CELSR1: variants seen among roughly 807,000 people sequenced by gnomAD.
CELSR1 encodes cadherin EGF LAG seven-pass G-type receptor 1.
In CELSR1, 110 loss-of-function variants were observed where a neutral mutation model predicts 249.1. The observed-to-expected ratio is 0.44, with a 90% CI of 0.38 to 0.52. The LOEUF is 0.52. Among genes scored for constraint, CELSR1 ranks in the 20% least tolerant of loss-of-function variants. CELSR1 has a pLI of 0.00. For synonymous variants in CELSR1, 2,113 were observed against 1,900.0 expected, an observed-to-expected ratio of 1.11 and a Z score of -2.92; for missense variants, 4,109 against 4,296.4, an observed-to-expected ratio of 0.96 and a Z score of 1.22.
chr22:46,363,246 C>T lies in CELSR1; in HGVS notation c.9037G>A (p.Gly3013Ser), dbSNP rs1272820002. 1.2e-6 allele frequency: 2 copies of T among 1,612,466 alleles called. No homozygotes were observed. Among genetic ancestry groups the T allele is most frequent in the East Asian group, 4.5e-5 (2 of 44,872 alleles). Residue 3013 changes from glycine to serine, a missense_variant and splice_region_variant, in exon 35 of 35, where the codon GGC becomes AGC. By Grantham distance (56) the Gly-to-Ser change is moderately conservative. This residue lies in a region of CELSR1 where 1,805 missense variants were observed against 1,831.6 expected (regional missense o/e 0.99). Transcript: ENST00000674500. The surrounding 1 kb of genome is among the most constrained non-coding windows in gnomAD (Gnocchi z 4.3). ...GTTCAAATTGAAGTTTCATTACTGC[C>T]TCTGCGCGTGGGAAGAAGCCAGCAA... ...SAQADGSDSE[G>S]SNETSI is the part of the protein sequence containing the mutation.
rs553682930 is a variant in CELSR1 at position 46,393,396 on chromosome 22, A to G, written c.5964+746T>C. Among the ~76,000 whole-genome samples the G allele has an allele frequency of 7.7e-4, 117 of 152,356 alleles. No individual in the cohort carries two copies. Among genetic ancestry groups the G allele is most frequent in the African/African-American group, 2.6e-3 (108 of 41,590 alleles). On this transcript the variant is annotated intron_variant, in intron 14 of 34. Transcript: ENST00000674500. The surrounding 1 kb of genome is among the most constrained non-coding windows in gnomAD (Gnocchi z 4.1). ...CGTGGGGCATAACGCACTTAGTGAC[A>G]CTTTCTATTTTAAAACTGCTGTCAT...
chr22:46,468,077 C>T lies in CELSR1; in HGVS notation c.3545-3732G>A, dbSNP rs143923901. 1.3e-3 allele frequency among the ~76,000 whole-genome samples: 204 copies of T among 152,134 alleles called. No individual in the cohort carries two copies. The highest frequency in any genetic ancestry group is 4.0e-3 in the Admixed American group (61 of 15,266). On this transcript the variant is annotated intron_variant, in intron 1 of 34. Coordinates refer to ENST00000674500, the MANE Select transcript of CELSR1 (RefSeq NM_001378328.1). The surrounding 1 kb of genome is among the most constrained non-coding windows in gnomAD (Gnocchi z 4.5). ...CATGGAAGTGACCTGCGTCCACCGA[C>T]AGATTAACGGATTAAAACAATGTGG...
At chr22:46,372,271 CACT>C (rs2078861342) in intron 25 of CELSR1, among the ~76,000 whole-genome samples, 1 of 138,998 alleles carries the variant, frequency 7.2e-6, no homozygotes, top group African/African-American at 3.2e-5. Context: ...CATCCATCCT[CACT>C]CAACCCCCAT....
chr22:46,461,710 C>G (rs1361300501), intron 2 of CELSR1, among the ~76,000 whole-genome samples: 1 of 152,236 alleles, frequency 6.6e-6, no homozygotes, highest in Non-Finnish European at 1.5e-5. Flanking sequence ...ACAGTAGGTA[C>G]TATCTGCGGA....
In CELSR1 at chr22:46,436,384, G is replaced by A. The variant is rs1396069680; in HGVS notation, c.4407-95C>T. 3.8e-5 allele frequency: 30 copies of A among 782,044 alleles called. No homozygotes were observed. The highest frequency in any genetic ancestry group is 1.9e-4 in the African/African-American group (11 of 58,514). The allele number at this position is 782,044 out of a possible 1,614,324, so 48.4% of individuals were successfully genotyped here. Reference sequence around the variant, plus strand: ...AGTCCAGCCGGAGGAGGGCAAGCACGTGGGGCTACGATTCAGGAAAGAATG... The same window carrying A: ...AGTCCAGCCGGAGGAGGGCAAGCACATGGGGCTACGATTCAGGAAAGAATG... On this transcript the variant is annotated intron_variant, in intron 3 of 34. Coordinates refer to ENST00000674500, the MANE Select transcript of CELSR1 (RefSeq NM_001378328.1). This position sits in a 1 kb window ranked among gnomAD's most constrained non-coding sequence, Gnocchi z 5.9.
Position 46,536,108 on chromosome 22 carries a change from G to T in CELSR1, c.1063C>A (p.Gln355Lys). The T allele has an allele frequency of 6.2e-7, 1 of 1,612,398 alleles. No homozygotes were observed. The highest frequency in any genetic ancestry group is 1.1e-5 in the South Asian group (1 of 91,090). Residue 355 changes from glutamine (Q) to lysine (K), a missense_variant, in exon 1 of 35, where the codon CAG (glutamine) becomes AAG (lysine). This residue lies in a region of CELSR1 where 673 missense variants were observed against 636.8 expected (regional missense o/e 1.06). Transcript: ENST00000674500. ...CGCACGCGCTCGCGGTACTCCGACT[G>T]CTCGAAGACCGGGCTGTGGTCGTTG... is the stretch of plus-strand genomic sequence containing the variant. ...DTNDHSPVFE[Q>K]SEYRERVREN...
chr22:46,363,374 C>T lies in CELSR1; in HGVS notation c.9036-127G>A. 2 of 736,998 alleles carry T rather than the reference C, an allele frequency of 2.7e-6. No individual in the cohort carries two copies. Among genetic ancestry groups the T allele is most frequent in the Non-Finnish European group, 4.5e-6 (2 of 448,660 alleles). 45.7% of individuals were successfully genotyped at this position (736,998 alleles called of 1,614,324 possible). On this transcript the variant is annotated intron_variant, in intron 34 of 34. Coordinates refer to ENST00000674500, the MANE Select transcript of CELSR1 (RefSeq NM_001378328.1). This position sits in a 1 kb window ranked among gnomAD's most constrained non-coding sequence, Gnocchi z 4.3. ...GGGTAGAGGGGGCGTCTGGGGGCTC[C>T]AGGGAGGGCAAGCTCATGTTGGATG...
Position 46,510,941 on chromosome 22 carries a change from C to T in CELSR1, c.3544+22686G>A, listed in dbSNP as rs545714552. Among the ~76,000 whole-genome samples the T allele has an allele frequency of 5.3e-5, 8 of 152,234 alleles. No homozygotes were observed. In the East Asian group the frequency reaches 1.5e-3, roughly 29 times the overall value. ...ACCAGCCTGGCCAACATGGCAAAAC[C>T]CCATCTCTACTAAAAATAGAAAAAT... On this transcript the variant is annotated intron_variant, in intron 1 of 34. Transcript: ENST00000674500.
chr22:46,367,189 C>T, intron 28 of CELSR1, 71 bp from the exon 29 acceptor site: 1 of 1,553,290 alleles, frequency 6.4e-7, no homozygotes, highest in East Asian at 2.3e-5. Context: ...CGCCCCAGCA[C>T]AGATGCGCAT....
At chr22:46,462,644 TC>T (rs1331668156) in intron 2 of CELSR1, 11 of 148,102 alleles carry the variant, frequency 7.4e-5, no homozygotes, top group African/African-American at 4.9e-4. Context: ...CAGAGAGCTT[TC>T]AAAAAAAAAA....
At position 46,433,028 on chromosome 22, in the gene CELSR1, T is replaced by C. The variant is rs1002252731; in HGVS notation, c.4611+365A>G. ...CAGAAAATCTACCAGGGCACCTTTT[T>C]TCCTTCCTTTTTTTTTTAGATGGAA... On this transcript the variant is annotated intron_variant, in intron 5 of 34. Coordinates refer to ENST00000674500, the MANE Select transcript of CELSR1 (RefSeq NM_001378328.1). This position sits in a 1 kb window ranked among gnomAD's most constrained non-coding sequence, Gnocchi z 5.7. Among the ~76,000 whole-genome samples, 2 of 151,878 alleles carry C rather than the reference T, an allele frequency of 1.3e-5. No homozygotes were observed. The highest frequency in any genetic ancestry group is 2.4e-5 in the African/African-American group (1 of 41,284).
At chr22:46,470,739 T>C (rs147525946) in intron 1 of CELSR1, among the ~76,000 whole-genome samples, 1 of 152,274 alleles carries the variant, frequency 6.6e-6, no homozygotes, top group South Asian at 2.1e-4. Flanking sequence ...AAGCACAGCC[T>C]ATCCCCACAA....
chr22:46,391,600 G>A lies in CELSR1; in HGVS notation c.6148+33C>T, dbSNP rs777368208. ...CAGTGCAGCAGCCTGTCCCCGCGCT[G>A]TAACCTGCAGGGTGTCGAGGGGCAA... On this transcript the variant is annotated intron_variant, in intron 15 of 34. Coordinates refer to ENST00000674500, the MANE Select transcript of CELSR1 (RefSeq NM_001378328.1). The surrounding 1 kb of genome is among the most constrained non-coding windows in gnomAD (Gnocchi z 4.3). 1.9e-6 allele frequency: 3 copies of A among 1,552,194 alleles called. No homozygotes were observed. The highest frequency in any genetic ancestry group is 3.9e-5 in the Admixed American group (2 of 51,258).
chr22:46,371,898 T>C (rs1041105316), intron 25 of CELSR1, among the ~76,000 whole-genome samples: 4 of 114,480 alleles, frequency 3.5e-5, no homozygotes, highest in African/African-American at 1.2e-4. Flanking sequence ...TCCACCCACC[T>C]CTCCATCCCT....
At chr22:46,422,067 T>C (rs1320725251) in intron 5 of CELSR1, among the ~76,000 whole-genome samples, 1 of 152,184 alleles carries the variant, frequency 6.6e-6, no homozygotes, top group African/African-American at 2.4e-5. Context: ...AGCTTCTTTA[T>C]CTTACATATT....
Position 46,363,254 on chromosome 22 carries a change from G to A in CELSR1, c.9036-7C>T, listed in dbSNP as rs1054971971. On this transcript the variant is annotated splice_polypyrimidine_tract_variant and splice_region_variant and intron_variant, in intron 34 of 34. Coordinates refer to ENST00000674500, the MANE Select transcript of CELSR1 (RefSeq NM_001378328.1). This position sits in a 1 kb window ranked among gnomAD's most constrained non-coding sequence, Gnocchi z 4.3. ...TGAAGTTTCATTACTGCCTCTGCGC[G>A]TGGGAAGAAGCCAGCAAGCAGGTGA... The A allele has an allele frequency of 2.3e-5, 37 of 1,610,426 alleles. No individual in the cohort carries two copies. Among genetic ancestry groups the A allele is most frequent in the East Asian group, 4.5e-5 (2 of 44,868 alleles).
rs576768577 is a variant in CELSR1 at position 46,448,111 on chromosome 22, G to C, written c.4184-8700C>G. On this transcript the variant is annotated intron_variant, in intron 2 of 34. Coordinates refer to ENST00000674500, the MANE Select transcript of CELSR1 (RefSeq NM_001378328.1). The surrounding 1 kb of genome is among the most constrained non-coding windows in gnomAD (Gnocchi z 5.7). ...CTTGGCCTAAGGGGCTTCCAGAAAA[G>C]CCCTGGCTTCACAGGGCTTCAGCAA... Among the ~76,000 whole-genome samples, 1 of 152,218 alleles carries C rather than the reference G, an allele frequency of 6.6e-6. No individual in the cohort carries two copies. The highest frequency in any genetic ancestry group is 1.5e-5 in the Non-Finnish European group (1 of 68,026).
rs1317918720 is a variant in CELSR1 at position 46,473,137 on chromosome 22, G to T, written c.3545-8792C>A. Among the ~76,000 whole-genome samples the T allele has an allele frequency of 6.6e-6, 1 of 152,128 alleles. No individual in the cohort carries two copies. Among genetic ancestry groups the T allele is most frequent in the Admixed American group, 6.6e-5 (1 of 15,260 alleles). ...CTCTCGGTGCAGGACGGCGGGGGTG[G>T]CTGAAGGAGAAATGTCCGCAGAGGG... is the stretch of plus-strand genomic sequence containing the variant. On this transcript the variant is annotated intron_variant, in intron 1 of 34. Transcript: ENST00000674500. This position sits in a 1 kb window ranked among gnomAD's most constrained non-coding sequence, Gnocchi z 6.6.
chr22:46,532,118 A>G (rs2080798021), intron 1 of CELSR1, among the ~76,000 whole-genome samples: 1 of 152,226 alleles, frequency 6.6e-6, no homozygotes, highest in South Asian at 2.1e-4. Flanking sequence ...CTGATACCAC[A>G]GACACACAAA....
Sources: gnomAD v4.1 joint callset for allele counts (sites outside exome capture counted in the v4.1 genomes callset) on GRCh38, gnomAD v4.1.1 for gene constraint, gnomAD v4.1.1 regional missense constraint, Gnocchi (gnomAD v3.1) non-coding constraint, MANE v1.5 for transcripts, NCBI Gene and HGNC (gene_info 2026-07-23, HGNC 2026-07-21) for gene names.